COL21A1: variants seen among roughly 807,000 people sequenced by gnomAD.
COL21A1 encodes the protein collagen alpha-1(XXI) chain.
Under a neutral mutation model 137.9 loss-of-function variants are expected in COL21A1, and 149 were observed. The ratio of observed to expected loss-of-function variants is 1.08; its 90% CI spans 0.95 to 1.24. The LOEUF (loss-of-function observed/expected upper bound fraction) is 1.24, where lower values mean the gene tolerates loss of function less well. COL21A1 is among the 50% of genes most tolerant of loss of function. The pLI is 0.00. For missense variants in COL21A1, 1,167 were observed against 1,158.4 expected, an observed-to-expected ratio of 1.01 and a Z score of -0.11; for synonymous variants, 456 against 391.5, an observed-to-expected ratio of 1.16 and a Z score of -1.95.
At chr6:56,224,934 A>G (rs1178069003) in intron 1 of COL21A1, among the ~76,000 whole-genome samples, 1 of 152,096 alleles carries the variant, frequency 6.6e-6, no homozygotes, top group Non-Finnish European at 1.5e-5. Flanking sequence ...GGTGATAAAG[A>G]ACAGCAATGC....
At chr6:56,180,960 G>A (rs1255025614) in intron 2 of COL21A1, among the ~76,000 whole-genome samples, 1 of 152,224 alleles carries the variant, frequency 6.6e-6, no homozygotes, top group East Asian at 1.9e-4. Flanking sequence ...CCTTTTATTA[G>A]AATGTCTTCC....
chr6:56,216,017 G>A (rs536319065), intron 1 of COL21A1, among the ~76,000 whole-genome samples: 16 of 152,124 alleles, frequency 1.1e-4, no homozygotes, highest in African/African-American at 3.9e-4. Context: ...TTCCTTACAT[G>A]TTACAGGCAA....
intron 1 of COL21A1, among the ~76,000 whole-genome samples, chr6:56,200,920 A>C (rs1311932154): frequency 6.6e-6 from 1 of 152,114 alleles, no homozygotes; most frequent in Non-Finnish European, 1.5e-5. Context: ...AGTCCCACCA[A>C]CAGTGTAAAA....
intron 1 of COL21A1, among the ~76,000 whole-genome samples, chr6:56,291,369 C>A (rs908836966): frequency 1.3e-4 from 20 of 152,304 alleles, no homozygotes; most frequent in Admixed American, 1.1e-3. Flanking sequence ...AAAAAAACTG[C>A]AAACTGGAAG....
Position 56,121,149 on chromosome 6 carries a change from C to T in COL21A1, c.1758+2913G>A, listed in dbSNP as rs1260890244. Among the ~76,000 whole-genome samples, 9 of 151,998 alleles carry T rather than the reference C, an allele frequency of 5.9e-5. No homozygotes were observed. The East Asian group carries it at 1.4e-3, about 23-fold the overall frequency. ...ACATGTTCTCATGTATTTGTAGGAACTAATAATCAAAATAACTGAACTCAT... is the reference window on the plus strand; with the variant it reads ...ACATGTTCTCATGTATTTGTAGGAATTAATAATCAAAATAACTGAACTCAT... On this transcript the variant is annotated intron_variant, in intron 16 of 29. Transcript: ENST00000244728.
intron 5 of COL21A1, among the ~76,000 whole-genome samples, chr6:56,170,104 T>C (rs1382237297): frequency 3.3e-5 from 5 of 151,914 alleles, no homozygotes; most frequent in African/African-American, 1.2e-4. Flanking sequence ...GTATATTCTA[T>C]TAAATATGTA....
Position 56,338,113 on chromosome 6 carries a change from C to T in COL21A1, c.-39+55858G>A, listed in dbSNP as rs1010585589. Among the ~76,000 whole-genome samples the T allele has an allele frequency of 1.4e-4, 22 of 152,006 alleles. 1 individual carries two copies. In the South Asian group the frequency reaches 3.3e-3, roughly 23 times the overall value. The stretch of plus-strand genomic sequence containing the variant: ...AAGTAGCTGGGACTACAGGTGTGTG[C>T]CACCATGCTTGACTAATTTTTGTAT... On this transcript the variant is annotated intron_variant, in intron 1 of 28. Coordinates refer to the COL21A1 transcript ENST00000370819.
chr6:56,193,132 C>T (rs1374172790), intron 1 of COL21A1, among the ~76,000 whole-genome samples: 5 of 151,996 alleles, frequency 3.3e-5, no homozygotes, highest in African/African-American at 1.2e-4. Context: ...CACATGGACC[C>T]AGGGAGGGTA....
chr6:56,351,941 T>C (rs1028463700), intron 1 of COL21A1, among the ~76,000 whole-genome samples: 2 of 152,034 alleles, frequency 1.3e-5, no homozygotes, highest in African/African-American at 4.8e-5. Context: ...ATTTAAAAGA[T>C]AGGGGGACCA....
At chr6:56,318,642 C>T (rs1764797175) in intron 1 of COL21A1, among the ~76,000 whole-genome samples, 1 of 152,054 alleles carries the variant, frequency 6.6e-6, no homozygotes, top group Admixed American at 6.6e-5. Context: ...ATGAGTGGTT[C>T]CTTTATGTAA....
chr6:56,122,496 A>G (rs78075030), intron 16 of COL21A1, among the ~76,000 whole-genome samples: 22,806 of 151,936 alleles, frequency 0.15, 1,745 homozygotes, highest in Middle Eastern at 0.22. Flanking sequence ...TGTATTTTTA[A>G]TAGGGCATGG....
At chr6:56,158,259 T>TA (rs1192244115) in intron 9 of COL21A1, among the ~76,000 whole-genome samples, 2 of 117,374 alleles carry the variant, frequency 1.7e-5, no homozygotes, top group African/African-American at 7.2e-5. Flanking sequence ...TTTTCTTTTT[T>TA]TTTTTTCTTT....
intron 12 of COL21A1, among the ~76,000 whole-genome samples, chr6:56,132,593 G>A (rs1164430565): frequency 6.6e-6 from 1 of 152,078 alleles, no homozygotes; most frequent in African/African-American, 2.4e-5. Flanking sequence ...AGAAAAAAGT[G>A]GTATTCCATG....
intron 10 of COL21A1, among the ~76,000 whole-genome samples, chr6:56,150,524 A>T (rs991637687): frequency 2.1e-5 from 3 of 145,120 alleles, no homozygotes; most frequent in Non-Finnish European, 4.5e-5. Flanking sequence ...TCACACACAC[A>T]CACACACACA....
chr6:56,184,462 A>G (rs1778130104), intron 1 of COL21A1, among the ~76,000 whole-genome samples: 1 of 152,182 alleles, frequency 6.6e-6, no homozygotes, highest in African/African-American at 2.4e-5. Context: ...GCAGAGACAC[A>G]TTAAAAATAA....
chr6:56,174,765 C>G (rs896354016), intron 3 of COL21A1, among the ~76,000 whole-genome samples: 2 of 151,932 alleles, frequency 1.3e-5, no homozygotes, highest in African/African-American at 4.8e-5. Flanking sequence ...TAAGATCTTT[C>G]AAAAAATTGA....
chr6:56,077,386 T>G, intron 18 of COL21A1, 143 bp downstream of exon 18: 1 of 609,920 alleles, frequency 1.6e-6, no homozygotes, highest in Non-Finnish European at 2.8e-6. Context: ...TACAAATTTG[T>G]AAAGCCAAAA....
chr6:56,070,931 T>A, intron 20 of COL21A1, 133 bp from the exon 21 acceptor site: 1 of 704,494 alleles, frequency 1.4e-6, no homozygotes, highest in Non-Finnish European at 2.3e-6. Context: ...ATAGACTCTG[T>A]ACATTAGACC....
At chr6:56,274,080 G>A (rs1244679288) in intron 1 of COL21A1, among the ~76,000 whole-genome samples, 3 of 152,014 alleles carry the variant, frequency 2.0e-5, no homozygotes, top group African/African-American at 7.2e-5. Flanking sequence ...ATTGATAAAT[G>A]TGATTCACCA....
Sources: gnomAD v4.1 joint callset for allele counts (sites outside exome capture counted in the v4.1 genomes callset) on GRCh38, gnomAD v4.1.1 for gene constraint, MANE v1.5 for transcripts, NCBI Gene and HGNC (gene_info 2026-07-23, HGNC 2026-07-21) for gene names.